Variants in PHAX observed in about 807,000 individuals in gnomAD.
The protein encoded by PHAX is phosphorylated adaptor for RNA export, also known as phosphorylated adapter RNA export protein.
Under a neutral mutation model 41.6 loss-of-function variants are expected in PHAX, and 31 were observed. That is an observed-to-expected ratio of 0.75 (90% CI 0.56 to 1.01). The LOEUF (loss-of-function observed/expected upper bound fraction) is 1.01. Ranked by LOEUF, PHAX falls within the 50% of genes least tolerant of loss-of-function variation. PHAX has a pLI of 0.00. For missense variants in PHAX, 453 were observed against 472.9 expected (o/e 0.96, Z 0.39); for synonymous variants, 175 against 164.9 (o/e 1.06, Z -0.47).
chr5:126,610,586 T>C (rs1193503094), intron 3 of PHAX, among the ~76,000 whole-genome samples: 1 of 152,242 alleles, frequency 6.6e-6, no homozygotes, highest in Non-Finnish European at 1.5e-5. Flanking sequence ...TTTCATTCAG[T>C]TGAACACAGA....
chr5:126,608,574 G>C lies in PHAX; in HGVS notation c.831+90G>C, dbSNP rs1342554324. 4.1e-6 allele frequency: 4 copies of C among 986,544 alleles called. No individual in the cohort carries two copies. The Admixed American group carries it at 8.0e-5, about 20-fold the overall frequency. The allele number at this position is 986,544 out of a possible 1,614,324, so 61.1% of individuals were successfully genotyped here. ...ATTTAACTTTGCCCTTGTTGGATCT[G>C]TGATTTATCATGCATTCTTACAGTA... is the stretch of plus-strand genomic sequence containing the variant. On this transcript the variant is annotated intron_variant, in intron 3 of 4. Coordinates refer to ENST00000297540, the MANE Select transcript of PHAX (RefSeq NM_032177.4).
In PHAX at chr5:126,625,558, C is replaced by G. The variant is rs917828801; in HGVS notation, c.*714C>G. On this transcript the variant is annotated 3_prime_UTR_variant, in exon 5 of 5. Coordinates refer to ENST00000297540, the MANE Select transcript of PHAX (RefSeq NM_032177.4). ...GTTGCAGTGAGCTGAGATCGTACCACTGTACTCCAGCCTGGGCGACAGAGC... is the reference window on the plus strand; with the variant it reads ...GTTGCAGTGAGCTGAGATCGTACCAGTGTACTCCAGCCTGGGCGACAGAGC... The G allele has an allele frequency of 3.3e-5, 5 of 149,446 alleles. No homozygotes were observed. The highest frequency in any genetic ancestry group is 1.2e-4 in the African/African-American group (5 of 40,182). The allele number at this position is 149,446 out of a possible 1,614,324, so 9.3% of individuals were successfully genotyped here.
intron 4 of PHAX, among the ~76,000 whole-genome samples, chr5:126,619,111 G>A (rs549721142): frequency 3.9e-5 from 6 of 152,020 alleles, no homozygotes; most frequent in Non-Finnish European, 8.8e-5. Context: ...ATTTTTTGTA[G>A]AGACGGAGTT....
chr5:126,618,736 G>A (rs1752225388), intron 4 of PHAX, among the ~76,000 whole-genome samples: 1 of 151,290 alleles, frequency 6.6e-6, no homozygotes, highest in Non-Finnish European at 1.5e-5. Context: ...CATGATCTCG[G>A]CAACCTCTGC....
In PHAX at chr5:126,603,804, G is replaced by A. The variant is rs374757665; in HGVS notation, c.331G>A (p.Gly111Arg). ...CAGTCAGAAACCACCTGTTGCTGGAGGAAAGAAGATTAACAACATATGGGG... is the reference window on the plus strand; with the variant it reads ...CAGTCAGAAACCACCTGTTGCTGGAAGAAAGAAGATTAACAACATATGGGG... ...QSSQKPPVAG[G>R]KKINNIWGAV... Residue 111 changes from glycine (G) to arginine (R), a missense_variant, in exon 2 of 5, where the codon GGA (glycine) becomes AGA (arginine). Gly to Arg is a moderately radical substitution (Grantham distance 125). Coordinates refer to ENST00000297540, the MANE Select transcript of PHAX (RefSeq NM_032177.4). 54 of 1,614,010 alleles carry A rather than the reference G, an allele frequency of 3.3e-5. No individual in the cohort carries two copies. Among genetic ancestry groups the A allele is most frequent in the Non-Finnish European group, 4.4e-5 (52 of 1,180,042 alleles).
intron 3 of PHAX, 72 bp from the exon 4 acceptor site, chr5:126,617,176 GTC>G (rs1752199021): frequency 3.6e-6 from 3 of 837,666 alleles, no homozygotes; most frequent in Non-Finnish European, 5.9e-6. Flanking sequence ...CCTTAATTGT[GTC>G]TCTGTTAAAA....
At position 126,626,582 on chromosome 5, in the gene PHAX, C is replaced by G. The variant is rs767226347; in HGVS notation, c.*1738C>G. 1 of 151,884 alleles carries G rather than the reference C, an allele frequency of 6.6e-6. No individual in the cohort carries two copies. Among genetic ancestry groups the G allele is most frequent in the Admixed American group, 6.6e-5 (1 of 15,224 alleles). The allele number at this position is 151,884 out of a possible 1,614,324, so 9.4% of individuals were successfully genotyped here. A position where few individuals can be genotyped will look rare whatever the true frequency, so the allele number is the denominator to read the frequency against. On this transcript the variant is annotated 3_prime_UTR_variant, in exon 5 of 5. Coordinates refer to ENST00000297540, the MANE Select transcript of PHAX (RefSeq NM_032177.4). Reference sequence around the variant, plus strand: ...TGAAACCCTGTCTCTATTAAAAATACAAAAATTAGCTGGGCGTGGTGGCGC... The same window carrying G: ...TGAAACCCTGTCTCTATTAAAAATAGAAAAATTAGCTGGGCGTGGTGGCGC...
chr5:126,618,188 C>T (rs759320894), intron 4 of PHAX, among the ~76,000 whole-genome samples: 6 of 152,208 alleles, frequency 3.9e-5, no homozygotes, highest in Non-Finnish European at 7.3e-5. Flanking sequence ...GATCCACCCA[C>T]CTCAGCCTCC....
In PHAX at chr5:126,608,367, A is replaced by G; in HGVS notation, c.714A>G (p.Leu238=). The part of the protein sequence containing the change: ...EKVADEISFR[L]QEPKKDLIAR... Reference sequence around the variant, plus strand: ...AATTTTACTTGTTTCTCATCAGGTTACAGGAACCAAAGAAAGACCTGATAG... The same window carrying G: ...AATTTTACTTGTTTCTCATCAGGTTGCAGGAACCAAAGAAAGACCTGATAG... The change falls in exon 3 of 5, where the codon TTA becomes TTG. Residue 238 remains leucine (L), a synonymous_variant. Transcript: ENST00000297540. 6.2e-7 allele frequency: 1 copy of G among 1,613,590 alleles called. No homozygotes were observed. Among genetic ancestry groups the G allele is most frequent in the Non-Finnish European group, 8.5e-7 (1 of 1,179,628 alleles).
intron 3 of PHAX, among the ~76,000 whole-genome samples, chr5:126,612,337 T>G (rs1752114970): frequency 6.6e-6 from 1 of 152,144 alleles, no homozygotes; most frequent in African/African-American, 2.4e-5. Context: ...GGAACTTGTT[T>G]GCCATCTTAA....
In PHAX at chr5:126,625,014, A is replaced by G. The variant is rs1752327143; in HGVS notation, c.*170A>G. ...AAGGAATGCAATTGATAGAACATTT[A>G]AAGATATATCTGACAAAATACTTAA... On this transcript the variant is annotated 3_prime_UTR_variant, in exon 5 of 5. Coordinates refer to ENST00000297540, the MANE Select transcript of PHAX (RefSeq NM_032177.4). 1.1e-5 allele frequency: 7 copies of G among 613,658 alleles called. No individual in the cohort carries two copies. The South Asian group carries it at 1.6e-4, about 14-fold the overall frequency. 38.0% of individuals were successfully genotyped at this position (613,658 alleles called of 1,614,324 possible). A position where few individuals can be genotyped will look rare whatever the true frequency, so the allele number is the denominator to read the frequency against.
At chr5:126,609,095 ATTTTTTTTTT>A (rs761125079) in intron 3 of PHAX, among the ~76,000 whole-genome samples, 5 of 101,236 alleles carry the variant, frequency 4.9e-5, no homozygotes, top group Non-Finnish European at 8.9e-5. Context: ...TAGGGGTTGA[ATTTTTTTTTT>A]TTTTTTTTTT....
At chr5:126,618,780 T>C (rs1479374218) in intron 4 of PHAX, among the ~76,000 whole-genome samples, 1 of 151,802 alleles carries the variant, frequency 6.6e-6, no homozygotes, top group African/African-American at 2.4e-5. Context: ...TGCCTCAGCC[T>C]CCTGAGTAGC....
chr5:126,601,367 C>T (rs922598770), intron 1 of PHAX, among the ~76,000 whole-genome samples: 24 of 152,294 alleles, frequency 1.6e-4, no homozygotes, highest in African/African-American at 5.8e-4. Flanking sequence ...TCCTGGAGGC[C>T]GGCTTGCGGC....
chr5:126,613,771 C>CT (rs762692996), intron 3 of PHAX, among the ~76,000 whole-genome samples: 1 of 141,030 alleles, frequency 7.1e-6, no homozygotes, highest in Admixed American at 7.2e-5. Context: ...CTTTTTCTTT[C>CT]TTTCTTTTTT....
rs962892560 is a variant in PHAX, at chr5:126,603,604, T to C, written c.131T>C (p.Phe44Ser). ...VLGGDSAMRA[F>S]QNTATACAPV... ...GGTGGCGACAGTGCTATGAGGGCCT[T>C]CCAGAACACGGCAACTGCATGTGCA... The change falls in exon 2 of 5, where the codon TTC becomes TCC. Residue 44 changes from phenylalanine to serine, a missense_variant. By Grantham distance (155) the Phe-to-Ser change is radical. Transcript: ENST00000297540. The C allele has an allele frequency of 3.8e-5, 62 of 1,613,778 alleles. No homozygotes were observed. The highest frequency in any genetic ancestry group is 5.2e-5 in the Non-Finnish European group (61 of 1,179,782).
chr5:126,613,505 A>G (rs1315643224), intron 3 of PHAX, among the ~76,000 whole-genome samples: 1 of 151,952 alleles, frequency 6.6e-6, no homozygotes, highest in Non-Finnish European at 1.5e-5. Flanking sequence ...GTGAAACCTT[A>G]TCTCTACCAA....
At chr5:126,616,482 C>CT (rs916859967) in intron 3 of PHAX, among the ~76,000 whole-genome samples, 5 of 151,938 alleles carry the variant, frequency 3.3e-5, no homozygotes, top group African/African-American at 1.2e-4. Flanking sequence ...ATATATTTGG[C>CT]TTTTTTTTCT....
At chr5:126,616,326 C>A (rs981222981) in intron 3 of PHAX, among the ~76,000 whole-genome samples, 1 of 152,096 alleles carries the variant, frequency 6.6e-6, no homozygotes, top group Non-Finnish European at 1.5e-5. Flanking sequence ...GAATTCCTGA[C>A]CTCAGGTGAT....
Sources: allele counts gnomAD v4.1 joint callset (sites outside exome capture counted in the v4.1 genomes callset), GRCh38; gene constraint gnomAD v4.1.1; transcripts MANE v1.5; gene names NCBI Gene and HGNC (gene_info 2026-07-23, HGNC 2026-07-21).